Variants in LRP12 observed in about 807,000 individuals in gnomAD.
LRP12 encodes the protein LDL receptor related protein 12, also known as low-density lipoprotein receptor-related protein 12.
In LRP12, 14 loss-of-function variants were observed where a neutral mutation model predicts 66.0. The ratio of observed to expected loss-of-function variants is 0.21; its 90% CI spans 0.14 to 0.33. LRP12 has a LOEUF of 0.33. Among genes scored for constraint, LRP12 ranks in the 10% least tolerant of loss-of-function variants. The pLI is 1.00. For synonymous variants in LRP12, 357 were observed against 359.1 expected (o/e 0.99, Z 0.07); for missense variants, 889 against 1,053.4 (o/e 0.84, Z 2.16).
intron 2 of LRP12, among the ~76,000 whole-genome samples, chr8:104,517,264 G>C (rs1390641084): frequency 6.6e-6 from 1 of 150,516 alleles, no homozygotes; most frequent in Non-Finnish European, 1.5e-5. Context: ...TTCAGTTATA[G>C]ACATGGTGTA....
chr8:104,506,356 A>C (rs1275053098), intron 3 of LRP12: 2 of 152,140 alleles, frequency 1.3e-5, no homozygotes, highest in African/African-American at 4.8e-5. Context: ...GTTCCAACTT[A>C]ATTTTGTTTG....
chr8:104,541,220 C>T (rs1811471824), intron 1 of LRP12, among the ~76,000 whole-genome samples: 1 of 152,300 alleles, frequency 6.6e-6, no homozygotes, highest in Admixed American at 6.5e-5. Flanking sequence ...GAGAATGAAT[C>T]AGATCCCTTA....
At chr8:104,580,851 A>C (rs758889238) in intron 1 of LRP12, among the ~76,000 whole-genome samples, 2 of 152,228 alleles carry the variant, frequency 1.3e-5, no homozygotes, top group Admixed American at 6.5e-5. Context: ...TAATTAGTTC[A>C]ATCATTGTGG....
chr8:104,588,889 A>G lies in LRP12; in HGVS notation c.9T>C (p.Cys3=). The G allele has an allele frequency of 1.2e-6, 2 of 1,609,506 alleles. No homozygotes were observed. The highest frequency in any genetic ancestry group is 1.7e-6 in the Non-Finnish European group (2 of 1,178,246). ...GCGGAGACTCTTTTGTGCTCCAGCG[A>G]CAGGCCATAACCACAGCAGATGGAG... MA[C]RWSTKESPRW... The change falls in exon 1 of 7, where the codon TGT becomes TGC. Residue 3 remains cysteine (C), a synonymous_variant. Coordinates refer to ENST00000276654, the MANE Select transcript of LRP12 (RefSeq NM_013437.5).
intron 1 of LRP12, among the ~76,000 whole-genome samples, chr8:104,534,429 G>C (rs937294255): frequency 1.3e-5 from 2 of 151,922 alleles, no homozygotes; most frequent in Non-Finnish European, 2.9e-5. Flanking sequence ...GTTACAAACA[G>C]GCACAGATTT....
intron 1 of LRP12, among the ~76,000 whole-genome samples, chr8:104,582,038 T>G (rs1321563674): frequency 6.6e-6 from 1 of 152,232 alleles, no homozygotes; most frequent in Non-Finnish European, 1.5e-5. Flanking sequence ...TTAATGAAAT[T>G]AAGTCAGATT....
At chr8:104,521,425 G>A (rs1232270411) in intron 2 of LRP12, among the ~76,000 whole-genome samples, 1 of 150,962 alleles carries the variant, frequency 6.6e-6, no homozygotes, top group East Asian at 1.9e-4. Context: ...ATATAAAGAT[G>A]TTTCATATAA....
chr8:104,499,220 T>C, intron 4 of LRP12, 97 bp downstream of exon 4: 1 of 958,398 alleles, frequency 1.0e-6, no homozygotes, highest in South Asian at 1.7e-5. Context: ...GGCCTACTCC[T>C]AATTAAATGA....
At chr8:104,500,697 C>T (rs539073284) in intron 3 of LRP12, among the ~76,000 whole-genome samples, 6 of 152,230 alleles carry the variant, frequency 3.9e-5, no homozygotes, top group African/African-American at 7.2e-5. Flanking sequence ...AGTGAGACTC[C>T]GTCTCAAACA....
chr8:104,532,686 A>T (rs1811342278), intron 1 of LRP12, among the ~76,000 whole-genome samples: 1 of 152,160 alleles, frequency 6.6e-6, no homozygotes, highest in Non-Finnish European at 1.5e-5. Flanking sequence ...GCAAAAGCAG[A>T]ATTTTCTTTC....
chr8:104,534,257 T>C (rs1396294915), intron 1 of LRP12, among the ~76,000 whole-genome samples: 2 of 152,062 alleles, frequency 1.3e-5, no homozygotes, highest in East Asian at 3.8e-4. Flanking sequence ...ATTATGTATG[T>C]ATAGTTTATA....
chr8:104,511,725 T>C (rs2140845440), intron 2 of LRP12, among the ~76,000 whole-genome samples: 2 of 152,280 alleles, frequency 1.3e-5, no homozygotes, highest in Middle Eastern at 6.8e-3. Context: ...TTTAAAAGTA[T>C]ATTCTACTGC....
intron 1 of LRP12, among the ~76,000 whole-genome samples, chr8:104,570,863 T>C (rs1158822948): frequency 6.6e-6 from 1 of 151,728 alleles, no homozygotes; most frequent in East Asian, 1.9e-4. Flanking sequence ...GAAAAATATA[T>C]AAGAACTCCC....
At chr8:104,525,794 C>T (rs997611822) in intron 2 of LRP12, among the ~76,000 whole-genome samples, 4 of 152,096 alleles carry the variant, frequency 2.6e-5, no homozygotes, top group Non-Finnish European at 4.4e-5. Flanking sequence ...CCCTCTCTCA[C>T]CACTCCTATT....
chr8:104,500,760 C>T (rs1810817227), intron 3 of LRP12, among the ~76,000 whole-genome samples: 1 of 152,170 alleles, frequency 6.6e-6, no homozygotes, highest in Non-Finnish European at 1.5e-5. Flanking sequence ...ATGTACGTAT[C>T]TCTCTTACAA....
chr8:104,500,680 G>GC, intron 3 of LRP12, among the ~76,000 whole-genome samples: 1 of 152,330 alleles, frequency 6.6e-6, no homozygotes, highest in Middle Eastern at 3.4e-3. Context: ...TCCAACCTGG[G>GC]CAACAGAGTG....
chr8:104,538,538 T>A (rs748676015), intron 1 of LRP12, among the ~76,000 whole-genome samples: 4 of 152,098 alleles, frequency 2.6e-5, no homozygotes, highest in Non-Finnish European at 5.9e-5. Context: ...TCTTTTAAAC[T>A]CCTATGGTCA....
intron 1 of LRP12, among the ~76,000 whole-genome samples, chr8:104,575,920 G>T (rs1343046338): frequency 1.3e-5 from 2 of 152,068 alleles, no homozygotes; most frequent in Admixed American, 1.3e-4. Flanking sequence ...CTACAGAAAA[G>T]AATGTAACAG....
chr8:104,515,956 G>A (rs1464377674), intron 2 of LRP12, among the ~76,000 whole-genome samples: 1 of 152,032 alleles, frequency 6.6e-6, no homozygotes, highest in Non-Finnish European at 1.5e-5. Flanking sequence ...GTCTCCCTAT[G>A]TTGCCCAGGC....
Sources: allele counts gnomAD v4.1 joint callset (sites outside exome capture counted in the v4.1 genomes callset), GRCh38; gene constraint gnomAD v4.1.1; transcripts MANE v1.5; gene names NCBI Gene and HGNC (gene_info 2026-07-23, HGNC 2026-07-21).